SORCS3: variants seen among roughly 807,000 people sequenced by gnomAD.
The protein encoded by SORCS3 is VPS10 domain-containing receptor SorCS3.
A neutral mutation model predicts 146.3 loss-of-function variants in SORCS3; 57 were observed. That is an observed-to-expected ratio of 0.39 (90% CI 0.31 to 0.49). SORCS3 has a LOEUF of 0.49. SORCS3 is among the 20% of genes least tolerant of loss of function. The pLI is 0.92. For synonymous variants in SORCS3, 653 were observed against 618.5 expected, an observed-to-expected ratio of 1.06 and a Z score of -0.83; for missense variants, 1,341 against 1,575.5, an observed-to-expected ratio of 0.85 and a Z score of 2.52.
intron 3 of SORCS3, among the ~76,000 whole-genome samples, chr10:104,936,184 G>A (rs981803931): frequency 8.5e-5 from 13 of 152,120 alleles, no homozygotes; most frequent in African/African-American, 3.1e-4. Context: ...AATGATTAAA[G>A]ATTATGTGTA....
At chr10:104,990,746 G>T (rs796522507) in intron 4 of SORCS3, among the ~76,000 whole-genome samples, 1 of 152,150 alleles carries the variant, frequency 6.6e-6, no homozygotes, top group Non-Finnish European at 1.5e-5. Context: ...GTCACAGAAA[G>T]ATGTTACACA....
At chr10:105,079,036 C>G (rs565904786) in intron 5 of SORCS3, among the ~76,000 whole-genome samples, 45 of 152,318 alleles carry the variant, frequency 3.0e-4, no homozygotes, top group African/African-American at 1.1e-3. Context: ...GATTCCTGGA[C>G]TTGACTCCTG....
At chr10:104,803,948 C>T (rs1028856710) in intron 1 of SORCS3, among the ~76,000 whole-genome samples, 3 of 152,170 alleles carry the variant, frequency 2.0e-5, no homozygotes, top group African/African-American at 7.2e-5. Flanking sequence ...CAGAGAAAGA[C>T]CAGCCCCATC....
intron 24 of SORCS3, 135 bp from the exon 25 acceptor site, chr10:105,256,684 T>C: frequency 3.1e-6 from 2 of 652,426 alleles, no homozygotes; most frequent in East Asian, 5.5e-5. Flanking sequence ...TGCACCCAGA[T>C]ATCAGGCAGG....
chr10:104,672,154 T>C (rs1044267972), intron 1 of SORCS3, among the ~76,000 whole-genome samples: 1 of 152,226 alleles, frequency 6.6e-6, no homozygotes, highest in Non-Finnish European at 1.5e-5. Flanking sequence ...CTTACTGTTA[T>C]AGGTCTATTC....
At chr10:105,245,825 G>A (rs560378489) in intron 21 of SORCS3, among the ~76,000 whole-genome samples, 160 bp downstream of exon 21, 1 of 152,284 alleles carries the variant, frequency 6.6e-6, no homozygotes, top group South Asian at 2.1e-4. Flanking sequence ...CCTAGAGATT[G>A]AGGTTATAAG....
At chr10:105,257,739 CT>C (rs1396773677) in intron 25 of SORCS3, among the ~76,000 whole-genome samples, 2 of 152,106 alleles carry the variant, frequency 1.3e-5, no homozygotes, top group Non-Finnish European at 2.9e-5. Context: ...TATAGGTTTG[CT>C]ACATGATTTA....
chr10:104,811,474 A>G (rs1270085829), intron 1 of SORCS3, among the ~76,000 whole-genome samples: 1 of 152,228 alleles, frequency 6.6e-6, no homozygotes. Flanking sequence ...TATTTTACAC[A>G]GGAGGAAATG....
At chr10:104,968,034 T>G (rs2054836570) in intron 3 of SORCS3, among the ~76,000 whole-genome samples, 1 of 152,164 alleles carries the variant, frequency 6.6e-6, no homozygotes. Context: ...CTAAGCCCCT[T>G]TAATCATTAT....
At chr10:104,940,393 T>TC (rs1213992658) in intron 3 of SORCS3, among the ~76,000 whole-genome samples, 2 of 55,902 alleles carry the variant, frequency 3.6e-5, no homozygotes, top group African/African-American at 1.2e-4. Context: ...CTCTCCCCCC[T>TC]CCCCCCACCC....
intron 4 of SORCS3, among the ~76,000 whole-genome samples, chr10:105,011,957 G>GA (rs1477576209): frequency 1.3e-5 from 2 of 152,110 alleles, no homozygotes; most frequent in Non-Finnish European, 2.9e-5. Context: ...ATACTATAAG[G>GA]AAAATAAAGC....
In SORCS3 at chr10:104,651,168, A is replaced by C. The variant is rs142391902; in HGVS notation, c.627+9214A>C. Among the ~76,000 whole-genome samples the C allele has an allele frequency of 8.3e-3, 1,262 of 152,288 alleles. 13 individuals are homozygous for C. Among genetic ancestry groups the C allele is most frequent in the Admixed American group, 0.015 (229 of 15,300 alleles). The stretch of plus-strand genomic sequence containing the variant: ...AGGAGGGTATCCTTAGTGGTGAAAG[A>C]GTTGCTTATCTCACTGTGTTGCTTT... On this transcript the variant is annotated intron_variant, in intron 1 of 26. Coordinates refer to ENST00000369701, the MANE Select transcript of SORCS3 (RefSeq NM_014978.3).
Position 104,987,650 on chromosome 10 carries a change from C to A in SORCS3, c.954+10157C>A, listed in dbSNP as rs1433270354. ...AAATTCTAGGAATATTTTTTTTTCT[C>A]CTAACAAAAAGTGTACTCTTGTTGG... On this transcript the variant is annotated intron_variant, in intron 4 of 26. Coordinates refer to ENST00000369701, the MANE Select transcript of SORCS3 (RefSeq NM_014978.3). Among the ~76,000 whole-genome samples, 3 of 151,270 alleles carry A rather than the reference C, an allele frequency of 2.0e-5. No homozygotes were observed. In the East Asian group the frequency reaches 5.8e-4, roughly 29 times the overall value.
At chr10:105,070,522 C>T (rs901684115) in intron 5 of SORCS3, among the ~76,000 whole-genome samples, 2 of 152,182 alleles carry the variant, frequency 1.3e-5, no homozygotes, top group African/African-American at 4.8e-5. Flanking sequence ...TTGAGAACAG[C>T]TTCCCAGCCT....
At chr10:105,109,943 T>G (rs566849450) in intron 7 of SORCS3, among the ~76,000 whole-genome samples, 2 of 152,164 alleles carry the variant, frequency 1.3e-5, no homozygotes, top group African/African-American at 4.8e-5. Flanking sequence ...CTCGGGAGTT[T>G]CTGTGGCATA....
intron 3 of SORCS3, among the ~76,000 whole-genome samples, chr10:104,971,225 C>T (rs914579351): frequency 6.6e-6 from 1 of 152,174 alleles, no homozygotes; most frequent in Non-Finnish European, 1.5e-5. Context: ...GTTGATTGTT[C>T]TGGCCACGGT....
At chr10:104,778,938 A>G (rs1255985147) in intron 1 of SORCS3, among the ~76,000 whole-genome samples, 1 of 152,158 alleles carries the variant, frequency 6.6e-6, no homozygotes, top group Non-Finnish European at 1.5e-5. Context: ...GACTTTGCAT[A>G]CATGATTAAG....
chr10:105,205,310 G>A (rs981387627), intron 16 of SORCS3, among the ~76,000 whole-genome samples: 5 of 152,152 alleles, frequency 3.3e-5, no homozygotes, highest in African/African-American at 1.2e-4. Context: ...AAAAGAGGAG[G>A]TTTTCTAGAT....
chr10:105,065,141 C>T (rs1241585386), intron 5 of SORCS3, among the ~76,000 whole-genome samples: 1 of 152,016 alleles, frequency 6.6e-6, no homozygotes, highest in Non-Finnish European at 1.5e-5. Context: ...ACATCAGTAG[C>T]CCTGGTTAGT....
Sources: allele counts gnomAD v4.1 joint callset (sites outside exome capture counted in the v4.1 genomes callset), GRCh38; gene constraint gnomAD v4.1.1; transcripts MANE v1.5; gene names NCBI Gene and HGNC (gene_info 2026-07-23, HGNC 2026-07-21).